The following DGKB variants were observed in gnomAD, a reference collection of about 807,000 sequenced individuals.
The protein encoded by DGKB is 90 kDa diacylglycerol kinase.
DGKB carries 67 observed loss-of-function variants against 114.3 expected under a neutral mutation model. The ratio of observed to expected loss-of-function variants is 0.59; its 90% CI spans 0.48 to 0.72. The LOEUF is 0.72. Ranked by LOEUF, DGKB falls within the 30% of genes least tolerant of loss-of-function variation. The pLI is 0.00. For missense variants in DGKB, 907 were observed against 975.2 expected (o/e 0.93, Z 0.93); for synonymous variants, 398 against 323.1 (o/e 1.23, Z -2.49).
chr7:14,430,592 C>T (rs192452534), intron 21 of DGKB, among the ~76,000 whole-genome samples: 115 of 152,256 alleles, frequency 7.6e-4, no homozygotes, highest in Non-Finnish European at 1.3e-3. Context: ...CACATTGATT[C>T]CGTAAATGTT....
In DGKB at chr7:14,550,926, A is replaced by G. The variant is rs73682446; in HGVS notation, c.1770+23286T>C. Among the ~76,000 whole-genome samples the G allele has an allele frequency of 4.6e-3, 706 of 152,334 alleles. 2 individuals carry two copies. Among genetic ancestry groups the G allele is most frequent in the African/African-American group, 0.016 (649 of 41,584 alleles). On this transcript the variant is annotated intron_variant, in intron 20 of 25. Coordinates refer to ENST00000402815, the MANE Select transcript of DGKB (RefSeq NM_001350709.2). ...AAAGCCCAATTATATTCATCTCACG[A>G]CTAGACAAAAAATTCTTCCTTTTTA...
At chr7:14,728,002 T>C (rs1830272880) in intron 5 of DGKB, among the ~76,000 whole-genome samples, 5 of 152,240 alleles carry the variant, frequency 3.3e-5, no homozygotes, top group Admixed American at 3.3e-4. Context: ...ATTAACTTCC[T>C]GACAGACATT....
At chr7:14,336,291 TAATA>T (rs1231964270) in intron 23 of DGKB, among the ~76,000 whole-genome samples, 1 of 152,136 alleles carries the variant, frequency 6.6e-6, no homozygotes, top group Non-Finnish European at 1.5e-5. Context: ...AAGAAAAGAC[TAATA>T]TATAACAGGT....
chr7:14,789,574 T>C (rs955666907), intron 2 of DGKB, among the ~76,000 whole-genome samples: 7 of 152,246 alleles, frequency 4.6e-5, no homozygotes, highest in African/African-American at 1.7e-4. Flanking sequence ...GGCCTTTTTC[T>C]CTTTTTATGA....
At chr7:14,564,444 G>C (rs1797102408) in intron 20 of DGKB, among the ~76,000 whole-genome samples, 1 of 152,020 alleles carries the variant, frequency 6.6e-6, no homozygotes. Context: ...ATTATCCCAG[G>C]GTACAGTAGC....
intron 23 of DGKB, among the ~76,000 whole-genome samples, chr7:14,297,182 G>A (rs1432518665): frequency 2.0e-5 from 3 of 152,080 alleles, no homozygotes; most frequent in Admixed American, 2.0e-4. Flanking sequence ...AGCAAAAGAG[G>A]GACTCCTCCC....
intron 20 of DGKB, among the ~76,000 whole-genome samples, chr7:14,516,881 C>A (rs1563377394): frequency 6.6e-6 from 1 of 151,986 alleles, no homozygotes; most frequent in South Asian, 2.1e-4. Context: ...GCCATACTGC[C>A]CAAAGCAACT....
chr7:14,638,952 C>T (rs1337927092), intron 13 of DGKB, among the ~76,000 whole-genome samples: 4 of 152,046 alleles, frequency 2.6e-5, no homozygotes, highest in African/African-American at 9.7e-5. Flanking sequence ...CCAGGAGAAT[C>T]GCTTGAACCC....
intron 23 of DGKB, among the ~76,000 whole-genome samples, chr7:14,279,851 C>T (rs1426769473): frequency 6.7e-6 from 1 of 149,044 alleles, no homozygotes; most frequent in Non-Finnish European, 1.5e-5. Flanking sequence ...CAACAAAAAC[C>T]CATCTGTACA....
At chr7:14,643,272 C>T (rs574449256) in intron 13 of DGKB, among the ~76,000 whole-genome samples, 3 of 152,190 alleles carry the variant, frequency 2.0e-5, no homozygotes, top group South Asian at 4.1e-4. Flanking sequence ...TGTCTGGAAT[C>T]CTAGGGAGAG....
At chr7:14,416,065 T>G (rs967490620) in intron 21 of DGKB, among the ~76,000 whole-genome samples, 16 of 152,266 alleles carry the variant, frequency 1.1e-4, no homozygotes, top group African/African-American at 3.4e-4. Flanking sequence ...TGCATAAATG[T>G]CTTCTTTTGA....
intron 20 of DGKB, among the ~76,000 whole-genome samples, chr7:14,490,196 G>GAA (rs964512765): frequency 2.0e-5 from 3 of 152,066 alleles, no homozygotes; most frequent in Non-Finnish European, 4.4e-5. Flanking sequence ...AGTTAAGGTA[G>GAA]CCAAAACTTA....
intron 21 of DGKB, among the ~76,000 whole-genome samples, chr7:14,432,586 G>C (rs891882676): frequency 6.6e-6 from 1 of 152,108 alleles, no homozygotes; most frequent in African/African-American, 2.4e-5. Flanking sequence ...CCTCTGGCTT[G>C]AATTGTATCC....
intron 23 of DGKB, among the ~76,000 whole-genome samples, chr7:14,291,814 G>A (rs1801817060): frequency 6.6e-6 from 1 of 152,058 alleles, no homozygotes; most frequent in African/African-American, 2.4e-5. Flanking sequence ...AACCCTATGC[G>A]GCAAAGATCT....
At chr7:14,918,338 C>A (rs1315427678) in intron 1 of DGKB, among the ~76,000 whole-genome samples, 1 of 151,838 alleles carries the variant, frequency 6.6e-6, no homozygotes, top group Non-Finnish European at 1.5e-5. Flanking sequence ...TGTAAAAGTA[C>A]AAAAAAGAAC....
At chr7:14,357,347 G>A (rs143696572) in intron 21 of DGKB, among the ~76,000 whole-genome samples, 289 of 152,226 alleles carry the variant, frequency 1.9e-3, no homozygotes, top group Non-Finnish European at 3.1e-3. Flanking sequence ...TTACCATTAC[G>A]TAATGGCCTT....
intron 1 of DGKB, among the ~76,000 whole-genome samples, chr7:14,885,234 T>C (rs141538158): frequency 0.012 from 1,841 of 152,038 alleles, 27 homozygotes; most frequent in Admixed American, 0.018. Context: ...CAATCACTTA[T>C]TCTCAAATAT....
chr7:14,551,419 C>T (rs1035994284), intron 20 of DGKB, among the ~76,000 whole-genome samples: 3 of 152,148 alleles, frequency 2.0e-5, no homozygotes, highest in African/African-American at 7.2e-5. Flanking sequence ...AACTGGAGGA[C>T]CTTTCCAGAA....
chr7:14,631,810 A>G (rs996896501), intron 13 of DGKB, among the ~76,000 whole-genome samples: 1 of 152,022 alleles, frequency 6.6e-6, no homozygotes, highest in Non-Finnish European at 1.5e-5. Flanking sequence ...AAATTGCAAG[A>G]CATGGATATA....
Sources: allele counts gnomAD v4.1 joint callset (sites outside exome capture counted in the v4.1 genomes callset), GRCh38; gene constraint gnomAD v4.1.1; transcripts MANE v1.5; gene names NCBI Gene and HGNC (gene_info 2026-07-23, HGNC 2026-07-21).